NELL2: variants seen among roughly 807,000 people sequenced by gnomAD.
NELL2 encodes neural EGFL like 2, also known as protein kinase C-binding protein NELL2.
NELL2 carries 41 observed loss-of-function variants against 109.6 expected under a neutral mutation model. The ratio of observed to expected loss-of-function variants is 0.37; its 90% CI spans 0.29 to 0.49. The LOEUF (loss-of-function observed/expected upper bound fraction) is 0.49. Among genes scored for constraint, NELL2 ranks in the 20% least tolerant of loss-of-function variants. The pLI, the probability that NELL2 is intolerant of heterozygous loss-of-function variation, is 0.98. For missense variants in NELL2, 900 were observed against 1,008.3 expected, an observed-to-expected ratio of 0.89 and a Z score of 1.45; for synonymous variants, 355 against 344.7, an observed-to-expected ratio of 1.03 and a Z score of -0.33.
At chr12:44,678,616 C>A (rs909649220) in intron 12 of NELL2, among the ~76,000 whole-genome samples, 2 of 152,062 alleles carry the variant, frequency 1.3e-5, no homozygotes, top group East Asian at 3.9e-4. Context: ...TTGTGAGCTA[C>A]CTAACGTCCT....
chr12:44,683,733 C>T (rs995076680), intron 12 of NELL2, among the ~76,000 whole-genome samples: 23 of 152,130 alleles, frequency 1.5e-4, no homozygotes, highest in African/African-American at 1.2e-4. Flanking sequence ...TATTGATTTG[C>T]GTATGTTGAA....
intron 12 of NELL2, among the ~76,000 whole-genome samples, chr12:44,672,081 A>T (rs1485484095): frequency 6.6e-6 from 1 of 152,214 alleles, no homozygotes; most frequent in African/African-American, 2.4e-5. Context: ...ACAGATAGGA[A>T]AGCAGCTTCA....
chr12:44,608,757 T>A (rs563686783), intron 14 of NELL2, among the ~76,000 whole-genome samples: 3 of 151,900 alleles, frequency 2.0e-5, no homozygotes, highest in Admixed American at 1.3e-4. Context: ...CTAAGCAAAC[T>A]CTCAGAACCT....
intron 15 of NELL2, among the ~76,000 whole-genome samples, chr12:44,594,828 C>T (rs2136230168): frequency 1.3e-5 from 2 of 152,228 alleles, no homozygotes; most frequent in South Asian, 4.1e-4. Flanking sequence ...CTTATACTTA[C>T]ATACCTTACA....
intron 14 of NELL2, among the ~76,000 whole-genome samples, chr12:44,608,047 G>A (rs928981840): frequency 4.6e-5 from 7 of 152,076 alleles, no homozygotes; most frequent in African/African-American, 1.7e-4. Flanking sequence ...AGTACAACAA[G>A]AGAAGAAGAG....
chr12:44,658,966 G>A (rs1028225702), intron 13 of NELL2, among the ~76,000 whole-genome samples: 1 of 151,476 alleles, frequency 6.6e-6, no homozygotes, highest in African/African-American at 2.4e-5. Flanking sequence ...CAAGGCTACA[G>A]TAACCAAAAC....
intron 11 of NELL2, among the ~76,000 whole-genome samples, chr12:44,704,975 C>T (rs757980371): frequency 7.5e-5 from 11 of 147,584 alleles, no homozygotes; most frequent in South Asian, 2.1e-4. Flanking sequence ...GCCAAGATCG[C>T]GCCGCTGCAC....
chr12:44,665,654 C>T, intron 12 of NELL2, 45 bp from the exon 13 acceptor site: 1 of 1,544,718 alleles, frequency 6.5e-7, no homozygotes, highest in Non-Finnish European at 8.7e-7. Flanking sequence ...GGGCAATATT[C>T]TGGAGCTCCT....
intron 2 of NELL2, among the ~76,000 whole-genome samples, chr12:44,838,092 A>G (rs180822901): frequency 6.6e-6 from 1 of 152,194 alleles, no homozygotes; most frequent in Non-Finnish European, 1.5e-5. Flanking sequence ...CAATCCATAG[A>G]GTTTACCTTT....
upstream of NELL2, among the ~76,000 whole-genome samples, chr12:44,917,065 G>A (rs998601139): frequency 7.2e-5 from 11 of 152,056 alleles, no homozygotes; most frequent in South Asian, 2.1e-4. Context: ...AGAGACTCTC[G>A]TTTTGTTAAT....
At chr12:44,821,721 T>G (rs1943548411) in intron 2 of NELL2, among the ~76,000 whole-genome samples, 1 of 151,362 alleles carries the variant, frequency 6.6e-6, no homozygotes, top group African/African-American at 2.4e-5. Context: ...GTTTTCAGAA[T>G]TAATTTTTTT....
At chr12:44,799,051 C>T (rs1284880309) in intron 3 of NELL2, among the ~76,000 whole-genome samples, 1 of 147,922 alleles carries the variant, frequency 6.8e-6, no homozygotes, top group African/African-American at 2.5e-5. Flanking sequence ...CTCTGCCTCC[C>T]GGGTTCAAGT....
chr12:44,683,158 G>A (rs1201923310), intron 12 of NELL2, among the ~76,000 whole-genome samples: 1 of 152,052 alleles, frequency 6.6e-6, no homozygotes, highest in East Asian at 1.9e-4. Flanking sequence ...TGGATTCCTA[G>A]GTATTTTATT....
chr12:44,695,332 G>A (rs1363453640), intron 12 of NELL2, among the ~76,000 whole-genome samples: 1 of 150,092 alleles, frequency 6.7e-6, no homozygotes. Context: ...AATTTTTAAA[G>A]TAGTTAACTA....
At chr12:44,548,668 C>A (rs1259039150) in intron 15 of NELL2, among the ~76,000 whole-genome samples, 2 of 151,984 alleles carry the variant, frequency 1.3e-5, no homozygotes, top group African/African-American at 4.8e-5. Context: ...ACATATGTCA[C>A]TTTCATTTTC....
chr12:44,645,838 T>G (rs1947076389), intron 13 of NELL2, among the ~76,000 whole-genome samples: 1 of 152,176 alleles, frequency 6.6e-6, no homozygotes, highest in African/African-American at 2.4e-5. Context: ...ATACACTCCT[T>G]AATTCCTAAC....
chr12:44,548,655 C>A (rs1267805004), intron 15 of NELL2, among the ~76,000 whole-genome samples: 1 of 151,788 alleles, frequency 6.6e-6, no homozygotes, highest in African/African-American at 2.4e-5. Flanking sequence ...ATGATATATA[C>A]CAACATATGT....
intron 9 of NELL2, among the ~76,000 whole-genome samples, chr12:44,748,217 A>G (rs776307359): frequency 1.5e-4 from 23 of 152,140 alleles, no homozygotes; most frequent in Non-Finnish European, 2.9e-4. Flanking sequence ...TATAAATAAC[A>G]TTAGTATTCA....
chr12:44,751,888 C>T (rs893874429), intron 9 of NELL2, among the ~76,000 whole-genome samples: 3 of 151,602 alleles, frequency 2.0e-5, no homozygotes, highest in African/African-American at 4.9e-5. Context: ...CCCTGGGCCA[C>T]ATTGGAAGAA....
Sources: allele counts gnomAD v4.1 joint callset (sites outside exome capture counted in the v4.1 genomes callset), GRCh38; gene constraint gnomAD v4.1.1; transcripts MANE v1.5; gene names NCBI Gene and HGNC (gene_info 2026-07-23, HGNC 2026-07-21).